Variants in STXBP5 observed in about 807,000 individuals in gnomAD.
STXBP5 encodes the protein syntaxin-binding protein 5.
Under a neutral mutation model 152.4 loss-of-function variants are expected in STXBP5, and 50 were observed. That is an observed-to-expected ratio of 0.33 (90% CI 0.26 to 0.42). The LOEUF is 0.42. STXBP5 is among the 10% of genes least tolerant of loss of function. The pLI is 1.00. For missense variants in STXBP5, 1,167 were observed against 1,388.6 expected, an observed-to-expected ratio of 0.84 and a Z score of 2.54; for synonymous variants, 492 against 494.7, an observed-to-expected ratio of 0.99 and a Z score of 0.07.
At chr6:147,348,071 A>G (rs1784419656) in intron 21 of STXBP5, among the ~76,000 whole-genome samples, 1 of 152,324 alleles carries the variant, frequency 6.6e-6, no homozygotes, top group East Asian at 1.9e-4. Context: ...ATGACATTAT[A>G]TCTGGTTAAC....
chr6:147,314,135 G>T (rs1782518384), intron 12 of STXBP5, 104 bp downstream of exon 12: 2 of 1,465,520 alleles, frequency 1.4e-6, no homozygotes, highest in Non-Finnish European at 1.9e-6. Flanking sequence ...TGGAAAATAG[G>T]TTAAAAATTA....
intron 26 of STXBP5, among the ~76,000 whole-genome samples, chr6:147,379,447 A>G (rs1405348718): frequency 6.6e-6 from 1 of 152,210 alleles, no homozygotes; most frequent in Non-Finnish European, 1.5e-5. Context: ...AGTATAATCC[A>G]TGAACATGGT....
At chr6:147,278,476 A>T (rs1780550281) in intron 8 of STXBP5, among the ~76,000 whole-genome samples, 1 of 152,216 alleles carries the variant, frequency 6.6e-6, no homozygotes, top group Non-Finnish European at 1.5e-5. Context: ...CTAATAGTCC[A>T]GAAAATAATA....
At chr6:147,362,773 A>G (rs147629644) in intron 23 of STXBP5, among the ~76,000 whole-genome samples, 1 of 152,320 alleles carries the variant, frequency 6.6e-6, no homozygotes, top group African/African-American at 2.4e-5. Context: ...CTGTGTCCCA[A>G]ATATTATCAT....
At chr6:147,348,973 T>A (rs184240429) in intron 21 of STXBP5, among the ~76,000 whole-genome samples, 74 of 152,280 alleles carry the variant, frequency 4.9e-4, no homozygotes, top group African/African-American at 1.7e-3. Context: ...CTTCTGACTA[T>A]GGGCATTAAT....
chr6:147,224,847 A>G (rs994990614), intron 2 of STXBP5, among the ~76,000 whole-genome samples: 48 of 152,166 alleles, frequency 3.2e-4, no homozygotes, highest in Non-Finnish European at 5.0e-4. Flanking sequence ...AAATGCTTCC[A>G]TCAATATTCT....
At chr6:147,334,044 A>G (rs1451970478) in intron 18 of STXBP5, 113 bp from the exon 19 acceptor site, 1 of 991,810 alleles carries the variant, frequency 1.0e-6, no homozygotes, top group African/African-American at 1.6e-5. Flanking sequence ...ACAGTCTGTT[A>G]ATTTATTGGG....
At chr6:147,268,450 C>T (rs1445900129) in intron 7 of STXBP5, among the ~76,000 whole-genome samples, 1 of 152,044 alleles carries the variant, frequency 6.6e-6, no homozygotes, top group East Asian at 1.9e-4. Context: ...GACATCAGAA[C>T]CTATTGAGTA....
intron 8 of STXBP5, among the ~76,000 whole-genome samples, chr6:147,287,032 G>C (rs1272897710): frequency 6.7e-6 from 1 of 149,768 alleles, no homozygotes; most frequent in Admixed American, 6.7e-5. Flanking sequence ...ATTTTTGTGA[G>C]TACATACTAG....
intron 17 of STXBP5, among the ~76,000 whole-genome samples, chr6:147,326,495 T>G (rs1408042014): frequency 6.6e-6 from 1 of 152,222 alleles, no homozygotes; most frequent in East Asian, 1.9e-4. Flanking sequence ...AGATGTGCCA[T>G]ACAATCTTAA....
At chr6:147,368,930 TA>T (rs1785417775) in intron 25 of STXBP5, among the ~76,000 whole-genome samples, 1 of 151,796 alleles carries the variant, frequency 6.6e-6, no homozygotes, top group Admixed American at 6.6e-5. Flanking sequence ...AAAATATTAA[TA>T]AAAAATTTTT....
intron 5 of STXBP5, 93 bp from the exon 6 acceptor site, chr6:147,262,197 C>A: frequency 1.3e-6 from 1 of 753,960 alleles, no homozygotes; most frequent in Non-Finnish European, 2.1e-6. Flanking sequence ...ATAAATATAA[C>A]TTATTTTCTA....
intron 25 of STXBP5, among the ~76,000 whole-genome samples, chr6:147,373,492 T>C (rs1785663993): frequency 6.6e-6 from 1 of 152,130 alleles, no homozygotes; most frequent in Non-Finnish European, 1.5e-5. Flanking sequence ...GCAAAAATAC[T>C]GTTTGCCTAA....
At chr6:147,348,416 G>C (rs1259478771) in intron 21 of STXBP5, among the ~76,000 whole-genome samples, 1 of 141,890 alleles carries the variant, frequency 7.0e-6, no homozygotes, top group Non-Finnish European at 1.5e-5. Flanking sequence ...AAATAGACAA[G>C]ATTCAGAGGT....
intron 19 of STXBP5, among the ~76,000 whole-genome samples, chr6:147,335,347 C>A (rs1455503762): frequency 6.6e-6 from 1 of 152,090 alleles, no homozygotes; most frequent in Non-Finnish European, 1.5e-5. Context: ...TTCTTACTTT[C>A]CTTCTAACTA....
intron 4 of STXBP5, among the ~76,000 whole-genome samples, chr6:147,251,631 G>C (rs1179790724): frequency 1.3e-5 from 2 of 152,210 alleles, no homozygotes; most frequent in African/African-American, 4.8e-5. Context: ...CTGCGACAGA[G>C]CACTTGGAGA....
intron 7 of STXBP5, among the ~76,000 whole-genome samples, chr6:147,269,177 C>T (rs924868878): frequency 6.6e-6 from 1 of 152,148 alleles, no homozygotes; most frequent in Non-Finnish European, 1.5e-5. Flanking sequence ...ATTTCTGTAG[C>T]ACAGACAGGA....
intron 2 of STXBP5, among the ~76,000 whole-genome samples, chr6:147,220,165 A>G (rs1777388573): frequency 6.6e-6 from 1 of 151,960 alleles, no homozygotes; most frequent in South Asian, 2.1e-4. Flanking sequence ...TTTAATCTCT[A>G]CATATTTTGG....
At chr6:147,351,759 G>A in intron 21 of STXBP5, 2 of 644,876 alleles carry the variant, frequency 3.1e-6, no homozygotes, top group Non-Finnish European at 1.9e-6. Context: ...AAAATTTGAT[G>A]TCCCTTCCAA....
Sources: allele counts gnomAD v4.1 joint callset (sites outside exome capture counted in the v4.1 genomes callset), GRCh38; gene constraint gnomAD v4.1.1; transcripts MANE v1.5; gene names NCBI Gene and HGNC (gene_info 2026-07-23, HGNC 2026-07-21).